Variants in NRXN3 observed in about 807,000 individuals in gnomAD.
NRXN3 encodes the protein neurexin III.
In NRXN3, 32 loss-of-function variants were observed where a neutral mutation model predicts 137.6. The observed-to-expected ratio is 0.23, with a 90% CI of 0.18 to 0.31. NRXN3 has a LOEUF of 0.31. Ranked by LOEUF, NRXN3 falls within the 10% of genes least tolerant of loss-of-function variation. The pLI, the probability that NRXN3 is intolerant of heterozygous loss-of-function variation, is 1.00. For missense variants in NRXN3, 1,574 were observed against 2,062.5 expected (o/e 0.76, Z 4.59); for synonymous variants, 798 against 784.5 (o/e 1.02, Z -0.29).
chr14:79,144,659 C>T (rs962623508), intron 15 of NRXN3, among the ~76,000 whole-genome samples: 5 of 152,042 alleles, frequency 3.3e-5, no homozygotes, highest in East Asian at 3.9e-4. Flanking sequence ...GTGAAATGGT[C>T]GCCTCTCATG....
At chr14:79,535,464 A>T (rs2097202825) in intron 16 of NRXN3, among the ~76,000 whole-genome samples, 1 of 152,116 alleles carries the variant, frequency 6.6e-6, no homozygotes, top group Admixed American at 6.5e-5. Flanking sequence ...TGCTTTGAGG[A>T]TGGGAGGAAG....
chr14:78,268,185 A>T lies in NRXN3; in HGVS notation c.710-10460A>T, dbSNP rs111736121. ...TATCTCCTTTTGGACTCCACAGTGT[A>T]TCTTAGTATGGATGAAATCTTCTGA... is the stretch of plus-strand genomic sequence containing the variant. On this transcript the variant is annotated intron_variant, in intron 2 of 20. Transcript: ENST00000335750. 4.8e-3 allele frequency among the ~76,000 whole-genome samples: 731 copies of T among 152,300 alleles called. 4 individuals carry two copies. The highest frequency in any genetic ancestry group is 8.4e-3 in the Non-Finnish European group (574 of 68,026).
At chr14:79,263,685 C>T (rs1272177102) in intron 15 of NRXN3, among the ~76,000 whole-genome samples, 1 of 152,084 alleles carries the variant, frequency 6.6e-6, no homozygotes, top group Non-Finnish European at 1.5e-5. Flanking sequence ...ATTTCTGGGT[C>T]ACGAAGTTCT....
chr14:78,415,578 G>A (rs2093088193), intron 4 of NRXN3, among the ~76,000 whole-genome samples: 1 of 152,092 alleles, frequency 6.6e-6, no homozygotes, highest in South Asian at 2.1e-4. Flanking sequence ...TTGCTCAATT[G>A]TCTAACCCAG....
chr14:78,805,610 A>G (rs1339653328), intron 9 of NRXN3, among the ~76,000 whole-genome samples: 1 of 151,758 alleles, frequency 6.6e-6, no homozygotes, highest in East Asian at 1.9e-4. Context: ...GAAAAAAAAA[A>G]AAAACAGAAC....
intron 15 of NRXN3, among the ~76,000 whole-genome samples, chr14:79,188,163 G>T (rs1435505863): frequency 6.6e-6 from 1 of 152,098 alleles, no homozygotes; most frequent in Non-Finnish European, 1.5e-5. Flanking sequence ...TCAAAAAATA[G>T]CATGAATTTA....
intron 15 of NRXN3, among the ~76,000 whole-genome samples, chr14:79,391,754 C>T (rs928514621): frequency 2.6e-5 from 4 of 152,194 alleles, no homozygotes; most frequent in Admixed American, 2.6e-4. Context: ...CCATTGGTCA[C>T]GTCTAATAAC....
chr14:79,855,254 C>T (rs1465569642), intron 20 of NRXN3, among the ~76,000 whole-genome samples: 1 of 152,160 alleles, frequency 6.6e-6, no homozygotes, highest in Admixed American at 6.6e-5. Context: ...CTTCAACATA[C>T]ATAAGATTGG....
chr14:79,562,484 T>A (rs1394060301), intron 16 of NRXN3, among the ~76,000 whole-genome samples: 1 of 152,154 alleles, frequency 6.6e-6, no homozygotes, highest in East Asian at 1.9e-4. Flanking sequence ...TTGTATCATA[T>A]AAAATGATAC....
At chr14:79,119,724 G>A (rs184221679) in intron 15 of NRXN3, among the ~76,000 whole-genome samples, 2 of 152,212 alleles carry the variant, frequency 1.3e-5, no homozygotes, top group Admixed American at 1.3e-4. Context: ...GACCAAGCCT[G>A]TCTGCTCTTG....
At chr14:79,857,796 G>T (rs917059652) in intron 20 of NRXN3, among the ~76,000 whole-genome samples, 2 of 152,036 alleles carry the variant, frequency 1.3e-5, no homozygotes, top group African/African-American at 4.8e-5. Flanking sequence ...TAAACTAAAG[G>T]CAATCTTCCC....
chr14:79,511,014 A>G (rs181409443), intron 16 of NRXN3, among the ~76,000 whole-genome samples: 174 of 152,296 alleles, frequency 1.1e-3, no homozygotes, highest in African/African-American at 4.0e-3. Flanking sequence ...AATGTTAACA[A>G]CGTTAAGGGC....
At chr14:79,482,783 G>C (rs1179320970) in intron 16 of NRXN3, among the ~76,000 whole-genome samples, 23 of 152,022 alleles carry the variant, frequency 1.5e-4, no homozygotes, top group Admixed American at 1.5e-3. Flanking sequence ...CACCATTTTT[G>C]GTAAAGACTT....
At chr14:78,450,317 C>T (rs564210459) in intron 4 of NRXN3, among the ~76,000 whole-genome samples, 1 of 152,224 alleles carries the variant, frequency 6.6e-6, no homozygotes, top group East Asian at 1.9e-4. Context: ...ATAAACATTA[C>T]AAAGTGGAAA....
intron 15 of NRXN3, among the ~76,000 whole-genome samples, chr14:79,364,643 T>C (rs1279434708): frequency 1.3e-5 from 2 of 149,632 alleles, no homozygotes; most frequent in Non-Finnish European, 3.0e-5. Context: ...ATACTCTATT[T>C]TTCAATGAAT....
chr14:79,068,739 A>C (rs1021869809), intron 15 of NRXN3, among the ~76,000 whole-genome samples: 3 of 152,092 alleles, frequency 2.0e-5, no homozygotes, highest in African/African-American at 7.2e-5. Context: ...GAATGGCACA[A>C]CTCAATAAAT....
intron 15 of NRXN3, among the ~76,000 whole-genome samples, chr14:79,202,627 C>T (rs150331239): frequency 6.6e-6 from 1 of 152,188 alleles, no homozygotes; most frequent in East Asian, 1.9e-4. Context: ...TGAGAACATA[C>T]GATGTTTGGT....
chr14:79,212,355 C>T (rs557527220), intron 15 of NRXN3, among the ~76,000 whole-genome samples: 4 of 152,300 alleles, frequency 2.6e-5, no homozygotes, highest in African/African-American at 9.6e-5. Context: ...ACATATGAAG[C>T]TATAGTGTAT....
intron 4 of NRXN3, among the ~76,000 whole-genome samples, chr14:78,393,341 C>A (rs1016357134): frequency 3.3e-5 from 5 of 151,928 alleles, no homozygotes; most frequent in African/African-American, 1.2e-4. Flanking sequence ...ATGTAACAAC[C>A]AGGTTATTGA....
Sources: gnomAD v4.1 joint callset for allele counts (sites outside exome capture counted in the v4.1 genomes callset) on GRCh38, gnomAD v4.1.1 for gene constraint, MANE v1.5 for transcripts, NCBI Gene and HGNC (gene_info 2026-07-23, HGNC 2026-07-21) for gene names.